The following SAMMSON variants were observed in gnomAD, a reference collection of about 807,000 sequenced individuals.
The protein encoded by SAMMSON is survival associated mitochondrial melanoma specific oncogenic non-coding RNA.
At chr3:70,282,746 C>G (rs1702101543) in intron 6 of SAMMSON, among the ~76,000 whole-genome samples, 1 of 152,172 alleles carries the variant, frequency 6.6e-6, no homozygotes, top group African/African-American at 2.4e-5. Context: ...AGACTTACCA[C>G]AGACTTGTTA....
At chr3:70,260,763 T>C (rs73119969) in intron 6 of SAMMSON, among the ~76,000 whole-genome samples, 9,521 of 151,964 alleles carry the variant, frequency 0.063, 362 homozygotes, top group South Asian at 0.12. Flanking sequence ...ATGAACTCAC[T>C]TCTCAATTAT....
At chr3:70,133,194 T>A (rs2067490739) in intron 4 of SAMMSON, among the ~76,000 whole-genome samples, 1 of 151,972 alleles carries the variant, frequency 6.6e-6, no homozygotes, top group Non-Finnish European at 1.5e-5. Context: ...GGGGAACCAG[T>A]CATGTGATTA....
chr3:70,114,083 A>G (rs534816991), intron 4 of SAMMSON, among the ~76,000 whole-genome samples: 1 of 152,322 alleles, frequency 6.6e-6, no homozygotes, highest in South Asian at 2.1e-4. Flanking sequence ...GTCGGAATTG[A>G]CAAGTGGGTC....
chr3:70,349,548 G>T (rs1043154631), intron 7 of SAMMSON, among the ~76,000 whole-genome samples: 1 of 152,144 alleles, frequency 6.6e-6, no homozygotes, highest in South Asian at 2.1e-4. Flanking sequence ...TATAATGAGG[G>T]GTATTGATAA....
chr3:70,078,667 A>G (rs1484587894), intron 4 of SAMMSON, among the ~76,000 whole-genome samples: 1 of 152,156 alleles, frequency 6.6e-6, no homozygotes, highest in African/African-American at 2.4e-5. Flanking sequence ...ACTTTTAAGC[A>G]ACTGAACCCT....
At chr3:70,391,649 A>G (rs1701050035), downstream of SAMMSON, among the ~76,000 whole-genome samples, 1 of 152,106 alleles carries the variant, frequency 6.6e-6, no homozygotes, top group Admixed American at 6.6e-5. Context: ...TTAATAATTA[A>G]TTACATTTCC....
At chr3:70,013,916 T>TG (rs1296056906) in intron 3 of SAMMSON, 2 of 152,094 alleles carry the variant, frequency 1.3e-5, no homozygotes, top group African/African-American at 2.4e-5. Context: ...GAAAACTCTG[T>TG]GAAAAAAATG....
intron 7 of SAMMSON, among the ~76,000 whole-genome samples, chr3:70,299,020 G>A (rs1702319122): frequency 6.6e-6 from 1 of 152,132 alleles, no homozygotes; most frequent in Non-Finnish European, 1.5e-5. Flanking sequence ...GAAAAGTAAG[G>A]TGTGAGGATC....
chr3:70,278,356 G>A (rs1702048446), intron 6 of SAMMSON, among the ~76,000 whole-genome samples: 1 of 152,148 alleles, frequency 6.6e-6, no homozygotes, highest in Admixed American at 6.5e-5. Flanking sequence ...GTTCCCAGTA[G>A]TTGGATATTA....
At chr3:70,270,716 C>T (rs952783305) in intron 6 of SAMMSON, among the ~76,000 whole-genome samples, 13 of 152,032 alleles carry the variant, frequency 8.6e-5, no homozygotes, top group Non-Finnish European at 1.0e-4. Context: ...ATAAAAAGGA[C>T]GAGTTCATGT....
At chr3:70,248,598 G>A (rs1002285106) in intron 4 of SAMMSON, among the ~76,000 whole-genome samples, 1 of 152,062 alleles carries the variant, frequency 6.6e-6, no homozygotes, top group East Asian at 1.9e-4. Context: ...GATTGGAAGG[G>A]ACAAGATTGG....
intron 7 of SAMMSON, among the ~76,000 whole-genome samples, chr3:70,347,491 G>A (rs531315955): frequency 3.9e-5 from 6 of 152,234 alleles, no homozygotes; most frequent in South Asian, 2.1e-4. Flanking sequence ...AGAAGGGCCC[G>A]AGGAAGTATA....
chr3:70,337,129 A>G (rs964247337), intron 7 of SAMMSON, among the ~76,000 whole-genome samples: 6 of 92,272 alleles, frequency 6.5e-5, no homozygotes, highest in Non-Finnish European at 1.2e-4. Flanking sequence ...TAATAATAAT[A>G]TCTAACTTAA....
chr3:70,187,937 C>T (rs2106709689), intron 4 of SAMMSON, among the ~76,000 whole-genome samples: 1 of 152,202 alleles, frequency 6.6e-6, no homozygotes, highest in Middle Eastern at 3.4e-3. Context: ...TAAAAAGAGG[C>T]CATGTAGCAA....
At chr3:70,165,665 C>G (rs147132212) in intron 4 of SAMMSON, among the ~76,000 whole-genome samples, 2 of 152,066 alleles carry the variant, frequency 1.3e-5, no homozygotes, top group African/African-American at 4.8e-5. Flanking sequence ...AAAGCTCATT[C>G]CTGAACACTC....
At chr3:70,345,203 G>A (rs73106688) in intron 7 of SAMMSON, among the ~76,000 whole-genome samples, 5 of 151,854 alleles carry the variant, frequency 3.3e-5, no homozygotes, top group Admixed American at 2.6e-4. Flanking sequence ...GAGTAATCTA[G>A]TTCTCAATAT....
chr3:70,106,653 G>A (rs2106657892), intron 4 of SAMMSON, among the ~76,000 whole-genome samples: 1 of 152,062 alleles, frequency 6.6e-6, no homozygotes, highest in African/African-American at 2.4e-5. Flanking sequence ...TTTTGCATTT[G>A]TAACAAGCTC....
chr3:70,065,374 G>A (rs772083324), intron 3 of SAMMSON: 16 of 152,148 alleles, frequency 1.1e-4, no homozygotes, highest in East Asian at 3.9e-4. Context: ...ATTACCACCC[G>A]CCTGCGTGCA....
At chr3:70,433,536 C>A (rs903878132) in intron 2 of SAMMSON, among the ~76,000 whole-genome samples, 1 of 151,854 alleles carries the variant, frequency 6.6e-6, no homozygotes, top group Non-Finnish European at 1.5e-5. Context: ...TTTAAAAGTT[C>A]TTTTTATATT....
Sources: gnomAD v4.1 joint callset for allele counts (sites outside exome capture counted in the v4.1 genomes callset) on GRCh38, gnomAD v4.1.1 for gene constraint, MANE v1.5 for transcripts, NCBI Gene and HGNC (gene_info 2026-07-23, HGNC 2026-07-21) for gene names.